The following SLC27A1 variants were observed in gnomAD, a reference collection of about 807,000 sequenced individuals.
The protein encoded by SLC27A1 is long-chain fatty acid transport protein 1.
Under a neutral mutation model 62.2 loss-of-function variants are expected in SLC27A1, and 61 were observed. The observed-to-expected ratio is 0.98, with a 90% confidence interval of 0.80 to 1.21. The LOEUF (loss-of-function observed/expected upper bound fraction) is 1.21, where lower values mean the gene tolerates loss of function less well. Among genes scored for constraint, SLC27A1 ranks in the 50% most tolerant of loss-of-function variants. The pLI, the probability that SLC27A1 is intolerant of heterozygous loss-of-function variation, is 0.00. For synonymous variants in SLC27A1, 435 were observed against 408.6 expected (o/e 1.06, Z -0.78); for missense variants, 903 against 932.1 (o/e 0.97, Z 0.41).
At chr19:17,477,422 G>C (rs1273744764) in intron 1 of SLC27A1, among the ~76,000 whole-genome samples, 1 of 140,180 alleles carries the variant, frequency 7.1e-6, no homozygotes, top group African/African-American at 2.7e-5. Flanking sequence ...TTTTGTATTT[G>C]TAGTAGAGAC....
At chr19:17,490,857 G>C (rs2075287224) in intron 6 of SLC27A1, among the ~76,000 whole-genome samples, 1 of 151,904 alleles carries the variant, frequency 6.6e-6, no homozygotes, top group African/African-American at 2.4e-5. Context: ...GTGAAACCCT[G>C]TCTCTACTAA....
chr19:17,469,837 T>C (rs2075056159), upstream of SLC27A1, among the ~76,000 whole-genome samples: 1 of 74,624 alleles, frequency 1.3e-5, no homozygotes, highest in East Asian at 4.7e-4. Context: ...GGCCCGGAAC[T>C]GGGGTGGGGC....
intron 1 of SLC27A1, among the ~76,000 whole-genome samples, chr19:17,483,655 A>G (rs748335623): frequency 1.3e-5 from 2 of 151,946 alleles, no homozygotes; most frequent in Non-Finnish European, 2.9e-5. Flanking sequence ...TCCTATCTCC[A>G]TGGCTTTCAT....
At chr19:17,471,958 T>G (rs1236604622) in intron 1 of SLC27A1, among the ~76,000 whole-genome samples, 1 of 152,196 alleles carries the variant, frequency 6.6e-6, no homozygotes, top group Non-Finnish European at 1.5e-5. Flanking sequence ...GTTCACCTGG[T>G]CTTCAGAAAG....
intron 6 of SLC27A1, among the ~76,000 whole-genome samples, chr19:17,495,140 A>T (rs985802722): frequency 1.3e-4 from 19 of 144,204 alleles, no homozygotes; most frequent in African/African-American, 4.9e-4. Flanking sequence ...GTCTGGCAAA[A>T]TTTTCTTGTA....
chr19:17,486,557 T>A lies in SLC27A1; in HGVS notation c.168-6T>A. 6.4e-7 allele frequency: 1 copy of A among 1,572,836 alleles called. No homozygotes were observed. ...GTGACGCTGTCCCCTCCGTCCTCCC[T>A]CCCAGCGGTCTCTCTGTGCTGATCC... On this transcript the variant is annotated splice_polypyrimidine_tract_variant and splice_region_variant and intron_variant, in intron 1 of 11. Transcript: ENST00000252595. The surrounding 1 kb of genome is among the most constrained non-coding windows in gnomAD (Gnocchi z 6.6).
rs970243342 is a variant in SLC27A1, at chr19:17,500,148, G to A, written c.1207-130G>A. The A allele has an allele frequency of 4.2e-6, 6 of 1,438,640 alleles. No homozygotes were observed. The African/African-American group carries it at 5.7e-5, about 14-fold the overall frequency. 89.1% of individuals were successfully genotyped at this position (1,438,640 alleles called of 1,614,324 possible). ...CTTACTACCCTGCTTTTGCAGATCAGCCAAGGTCACAGAGCTTAGAATGAC... is the reference window on the plus strand; with the variant it reads ...CTTACTACCCTGCTTTTGCAGATCAACCAAGGTCACAGAGCTTAGAATGAC... On this transcript the variant is annotated intron_variant, in intron 7 of 11. Coordinates refer to ENST00000252595, the MANE Select transcript of SLC27A1 (RefSeq NM_198580.3).
At chr19:17,470,399 C>A, upstream of SLC27A1, 4 of 1,010,716 alleles carry the variant, frequency 4.0e-6, no homozygotes, top group Non-Finnish European at 5.3e-6. Flanking sequence ...TGACTCGGAG[C>A]GCGTTCCCGG....
At chr19:17,480,325 G>T (rs2075163545) in intron 1 of SLC27A1, among the ~76,000 whole-genome samples, 1 of 151,646 alleles carries the variant, frequency 6.6e-6, no homozygotes, top group African/African-American at 2.4e-5. Flanking sequence ...ACTACACCTG[G>T]CCTATTTTTT....
intron 1 of SLC27A1, among the ~76,000 whole-genome samples, chr19:17,484,293 ATAAAT>A (rs1160546004): frequency 1.3e-5 from 2 of 148,388 alleles, no homozygotes; most frequent in Non-Finnish European, 2.9e-5. Context: ...GAAGGAGATA[ATAAAT>A]AAGGATGGAA....
At position 17,497,254 on chromosome 19, in the gene SLC27A1, G is replaced by C. The variant is rs2075359132; in HGVS notation, c.997-1G>C. On this transcript the variant is annotated splice_acceptor_variant, in intron 6 of 11. Coordinates refer to ENST00000252595, the MANE Select transcript of SLC27A1 (RefSeq NM_198580.3). LOFTEE classifies it high-confidence loss of function. ...ACCCACTTCCTCACCCCGTCCCCCA[G>C]GTGGTTCAGTACATCGGGGAGATCT... 1.9e-6 allele frequency: 3 copies of C among 1,591,036 alleles called. No homozygotes were observed. The highest frequency in any genetic ancestry group is 2.3e-5 in the East Asian group (1 of 42,960).
intron 6 of SLC27A1, chr19:17,496,304 G>C (rs1041348058): frequency 1.3e-5 from 2 of 151,526 alleles, no homozygotes; most frequent in Admixed American, 6.6e-5. Context: ...AAAGTGGCGG[G>C]GGGGGAGTCA....
intron 6 of SLC27A1, chr19:17,495,579 G>A (rs533815625): frequency 8.6e-4 from 131 of 152,624 alleles, no homozygotes; most frequent in Non-Finnish European, 1.6e-3. Context: ...ACCCCGCCTG[G>A]CCGTGCCCAT....
intron 4 of SLC27A1, among the ~76,000 whole-genome samples, chr19:17,488,088 G>T (rs1266479287): frequency 2.0e-5 from 3 of 152,170 alleles, no homozygotes; most frequent in African/African-American, 7.2e-5. Flanking sequence ...GCTAGGCGTG[G>T]TGGCTTACGC....
chr19:17,495,240 G>A (rs1211381417), intron 6 of SLC27A1, among the ~76,000 whole-genome samples: 2 of 150,922 alleles, frequency 1.3e-5, no homozygotes, highest in African/African-American at 2.4e-5. Flanking sequence ...CCCCCAAAGT[G>A]CTGGGATTAC....
At chr19:17,501,229 G>A (rs930451785) in intron 10 of SLC27A1, 44 bp from the exon 11 acceptor site, 1 of 1,603,718 alleles carries the variant, frequency 6.2e-7, no homozygotes, top group Non-Finnish European at 8.5e-7. Context: ...TGCTGGTGGG[G>A]AGGATGAGAG....
intron 1 of SLC27A1, among the ~76,000 whole-genome samples, chr19:17,471,080 T>G (rs1323689556): frequency 2.0e-4 from 27 of 136,450 alleles, no homozygotes; most frequent in African/African-American, 6.7e-4. Context: ...CGTGGCGGTG[T>G]GGGGGTCTTT....
upstream of SLC27A1, chr19:17,470,362 A>G (rs966446978): frequency 4.2e-6 from 3 of 715,268 alleles, no homozygotes; most frequent in African/African-American, 1.9e-5. Flanking sequence ...TGAGGAGTTG[A>G]CCAATCCCAG....
intron 1 of SLC27A1, among the ~76,000 whole-genome samples, chr19:17,478,746 A>T (rs1315561501): frequency 6.6e-6 from 1 of 151,512 alleles, no homozygotes; most frequent in East Asian, 1.9e-4. Context: ...AGTCCCAGCT[A>T]CTCAGGGGGC....
Sources: allele counts gnomAD v4.1 joint callset (sites outside exome capture counted in the v4.1 genomes callset), GRCh38; gene constraint gnomAD v4.1.1; non-coding constraint Gnocchi (gnomAD v3.1); transcripts MANE v1.5; gene names NCBI Gene and HGNC (gene_info 2026-07-23, HGNC 2026-07-21).